Variants in TENM1 observed in about 807,000 individuals in gnomAD.
TENM1 encodes the protein teneurin-1.
Under a neutral mutation model 174.8 loss-of-function variants are expected in TENM1, and 35 were observed. The observed-to-expected ratio is 0.20, with a 90% CI of 0.15 to 0.27. TENM1 has a LOEUF of 0.27. Ranked by LOEUF, TENM1 falls within the 10% of genes least tolerant of loss-of-function variation. TENM1 has a pLI of 1.00. For missense variants in TENM1, 1,633 were observed against 2,130.1 expected (o/e 0.77, Z 4.59); for synonymous variants, 781 against 798.7 (o/e 0.98, Z 0.37).
At chrX:124,629,024 C>T (rs1028469198) in intron 11 of TENM1, among the ~76,000 whole-genome samples, 2 of 111,740 alleles carry the variant, frequency 1.8e-5, no homozygotes, top group African/African-American at 3.2e-5. Context: ...CTGGAAGAAG[C>T]TTTCTTTCTG....
chrX:125,153,212 T>C, the TENM1 span, among the ~76,000 whole-genome samples: 1 of 111,888 alleles, frequency 8.9e-6, no homozygotes, highest in Non-Finnish European at 1.9e-5. Context: ...TCAAAAGCAA[T>C]TTCCAAAATC....
chrX:124,957,089 A>G (rs1161195101), intron 1 of TENM1, among the ~76,000 whole-genome samples: 8 of 112,011 alleles, frequency 7.1e-5, no homozygotes, highest in Non-Finnish European at 1.3e-4. Context: ...ACTAGGGTAC[A>G]TTTATTTCAA....
intron 3 of TENM1, among the ~76,000 whole-genome samples, chrX:124,877,194 T>C (rs1171981211): frequency 8.9e-6 from 1 of 112,341 alleles, no homozygotes; most frequent in Non-Finnish European, 1.9e-5. Context: ...AGAATATTTG[T>C]TCAATTAACG....
At chrX:124,788,722 G>A (rs1199281744) in intron 3 of TENM1, among the ~76,000 whole-genome samples, 1 of 112,755 alleles carries the variant, frequency 8.9e-6, no homozygotes, top group Non-Finnish European at 1.9e-5. Flanking sequence ...TAAGAGGTGG[G>A]CTTCCATAGT....
the TENM1 span, among the ~76,000 whole-genome samples, chrX:124,988,755 A>G: frequency 2.1e-4 from 23 of 111,863 alleles, no homozygotes; most frequent in African/African-American, 6.8e-4. Context: ...TTCAAAAAGC[A>G]ATCAATGCCA....
the TENM1 span, among the ~76,000 whole-genome samples, chrX:125,120,171 A>G: frequency 9.1e-6 from 1 of 109,660 alleles, no homozygotes; most frequent in Non-Finnish European, 1.9e-5. Context: ...CCTACGCACT[A>G]ACAATATTTA....
chrX:124,746,222 G>A (rs975924555), intron 3 of TENM1, among the ~76,000 whole-genome samples: 11 of 111,952 alleles, frequency 9.8e-5, no homozygotes, highest in African/African-American at 3.6e-4. Context: ...ACCATGGTGG[G>A]TGAGAGTGTT....
chrX:124,413,418 T>C (rs1319834766), intron 25 of TENM1, among the ~76,000 whole-genome samples: 1 of 111,127 alleles, frequency 9.0e-6, no homozygotes, highest in Non-Finnish European at 1.9e-5. Flanking sequence ...TGAGTATAAA[T>C]AGGATGCTGC....
chrX:124,561,505 G>A (rs2048818224), intron 14 of TENM1, among the ~76,000 whole-genome samples, 166 bp downstream of exon 17: 1 of 111,618 alleles, frequency 9.0e-6, no homozygotes, highest in African/African-American at 3.3e-5. Context: ...TATTCAATAA[G>A]TAATGTCTTC....
chrX:125,075,673 A>G, the TENM1 span, among the ~76,000 whole-genome samples: 1 of 111,399 alleles, frequency 9.0e-6, no homozygotes, highest in African/African-American at 3.3e-5. Flanking sequence ...CTTCATAGGA[A>G]CCCTACAAGT....
At chrX:124,497,235 A>G (rs1323434934) in exon 20 of TENM1, 4 of 1,206,562 alleles carry the variant, frequency 3.3e-6, no homozygotes, top group Admixed American at 2.2e-5. Context: ...GGAAATGAAC[A>G]TATTTTCTCC....
chrX:125,183,737 G>A, the TENM1 span, among the ~76,000 whole-genome samples: 2 of 111,745 alleles, frequency 1.8e-5, no homozygotes, highest in African/African-American at 6.5e-5. Context: ...TGGAGTGAGT[G>A]AGTGATAGTG....
chrX:124,568,661 A>C, intron 11 of TENM1, among the ~76,000 whole-genome samples: 1 of 111,597 alleles, frequency 9.0e-6, no homozygotes, highest in East Asian at 2.8e-4. Context: ...TGAGAACTAG[A>C]AAATCTAAAC....
At chrX:125,156,392 T>C in the TENM1 span, among the ~76,000 whole-genome samples, 1 of 112,009 alleles carries the variant, frequency 8.9e-6, no homozygotes, top group Non-Finnish European at 1.9e-5. Flanking sequence ...AGGTAGTTTT[T>C]CAGTCCTCAC....
intron 9 of TENM1, 68 bp from the exon 13 acceptor site, chrX:124,645,405 T>C: frequency 9.4e-7 from 1 of 1,058,794 alleles, no homozygotes; most frequent in Non-Finnish European, 1.3e-6. Context: ...AGCAATTCTC[T>C]ATTGATTTTC....
the TENM1 span, among the ~76,000 whole-genome samples, chrX:125,178,413 C>T: frequency 9.0e-6 from 1 of 111,164 alleles, no homozygotes; most frequent in South Asian, 3.8e-4. Context: ...TCAAAATTCC[C>T]TATATTATTC....
intron 23 of TENM1, among the ~76,000 whole-genome samples, chrX:124,443,301 G>C (rs2060930589): frequency 9.0e-6 from 1 of 111,271 alleles, no homozygotes; most frequent in African/African-American, 3.3e-5. Flanking sequence ...GGAAGGCAGA[G>C]GTCTGCTGCT....
At chrX:124,987,701 TTGTGTGTG>T in the TENM1 span, among the ~76,000 whole-genome samples, 220 of 91,376 alleles carry the variant, frequency 2.4e-3, 1 homozygote, top group South Asian at 0.026. Flanking sequence ...GTTCTGCATT[TTGTGTGTG>T]TGTGTGTGTG....
intron 8 of TENM1, among the ~76,000 whole-genome samples, chrX:124,651,712 G>A (rs1393891280): frequency 9.0e-6 from 1 of 110,545 alleles, no homozygotes; most frequent in African/African-American, 3.3e-5. Flanking sequence ...AAATAAAGTA[G>A]CATTAAAAAA....
Sources: gnomAD v4.1 joint callset for allele counts (sites outside exome capture counted in the v4.1 genomes callset) on GRCh38, gnomAD v4.1.1 for gene constraint, MANE v1.5 for transcripts, NCBI Gene and HGNC (gene_info 2026-07-23, HGNC 2026-07-21) for gene names.